RRP1B: variants seen among roughly 807,000 people sequenced by gnomAD.
The protein encoded by RRP1B is ribosomal RNA processing protein 1 homolog B.
Under a neutral mutation model 80.2 loss-of-function variants are expected in RRP1B, and 56 were observed. The observed-to-expected ratio is 0.70, with a 90% confidence interval of 0.56 to 0.87. The LOEUF (loss-of-function observed/expected upper bound fraction) is 0.87, where lower values mean the gene tolerates loss of function less well. Ranked by LOEUF, RRP1B falls within the 40% of genes least tolerant of loss-of-function variation. The pLI, the probability that RRP1B is intolerant of heterozygous loss-of-function variation, is 0.00. For synonymous variants in RRP1B, 351 were observed against 357.6 expected, an observed-to-expected ratio of 0.98 and a Z score of 0.21; for missense variants, 807 against 939.8, an observed-to-expected ratio of 0.86 and a Z score of 1.85.
chr21:43,666,581 G>A (rs569553184), intron 1 of RRP1B, among the ~76,000 whole-genome samples: 8 of 152,210 alleles, frequency 5.3e-5, no homozygotes, highest in South Asian at 2.1e-4. Context: ...AGCTGGGTGC[G>A]GTGGCAGGTG....
rs746294277 is a variant in RRP1B at position 43,676,295 on chromosome 21, G to A, written c.573G>A (p.Lys191=). The A allele has an allele frequency of 5.2e-5, 84 of 1,612,904 alleles. No homozygotes were observed. The highest frequency in any genetic ancestry group is 6.8e-5 in the Non-Finnish European group (80 of 1,179,318). ...GKELLADQNL[K]FIDPFCKIAA... is the part of the protein sequence containing the mutation. ...AGCTTTTAGCAGATCAGAATCTCAA[G>A]TTTATCGATCCATTCTGCAAAATTG... The change falls in exon 7 of 16, where the codon AAG becomes AAA. Residue 191 remains lysine, a synonymous_variant. Coordinates refer to ENST00000340648, the MANE Select transcript of RRP1B (RefSeq NM_015056.3).
chr21:43,676,375 A>G (rs530104967), intron 7 of RRP1B, 39 bp downstream of exon 7: 35 of 1,514,216 alleles, frequency 2.3e-5, no homozygotes, highest in Middle Eastern at 3.4e-4. Context: ...GCTCCGTGGC[A>G]TTTGCTCATG....
intron 5 of RRP1B, 38 bp downstream of exon 5, chr21:43,674,735 A>G: frequency 6.4e-7 from 1 of 1,551,420 alleles, no homozygotes; most frequent in Non-Finnish European, 8.8e-7. Flanking sequence ...GGTAGCCTTA[A>G]AACTTAAAAG....
At chr21:43,685,436 C>A (rs1057405995) in intron 10 of RRP1B, among the ~76,000 whole-genome samples, 11 of 152,196 alleles carry the variant, frequency 7.2e-5, no homozygotes, top group African/African-American at 2.7e-4. Context: ...TGAGAGAGAT[C>A]TAAGCTATTT....
chr21:43,689,554 G>A (rs570617100), intron 13 of RRP1B, among the ~76,000 whole-genome samples: 81 of 152,280 alleles, frequency 5.3e-4, no homozygotes, highest in African/African-American at 1.8e-3. Context: ...TACCCTCAGC[G>A]CTGCTCCCTC....
In RRP1B at chr21:43,691,298, T is replaced by C; in HGVS notation, c.2020-141T>C. 1.4e-6 allele frequency: 1 copy of C among 696,160 alleles called. No individual in the cohort carries two copies. The highest frequency in any genetic ancestry group is 1.8e-5 in the South Asian group (1 of 56,924). The allele number at this position is 696,160 out of a possible 1,614,324, so 43.1% of individuals were successfully genotyped here. A position where few individuals can be genotyped will look rare whatever the true frequency, so the allele number is the denominator to read the frequency against. Reference sequence around the variant, plus strand: ...GTTTCAGTCTTGGCCGCAGTCCCTTTGGCCTCTCCCTATATGTGCCACTCA... The same window carrying C: ...GTTTCAGTCTTGGCCGCAGTCCCTTCGGCCTCTCCCTATATGTGCCACTCA... On this transcript the variant is annotated intron_variant, in intron 14 of 15. Transcript: ENST00000340648. This position sits in a 1 kb window ranked among gnomAD's most constrained non-coding sequence, Gnocchi z 4.2.
At position 43,675,112 on chromosome 21, in the gene RRP1B, C is replaced by T; in HGVS notation, c.498C>T (p.Phe166=). 1 of 1,613,198 alleles carries T rather than the reference C, an allele frequency of 6.2e-7. No individual in the cohort carries two copies. The highest frequency in any genetic ancestry group is 8.5e-7 in the Non-Finnish European group (1 of 1,179,214). The part of the protein sequence containing the change: ...PESQSPNGVR[F]HFIDIYLDEL... Reference sequence around the variant, plus strand: ...GTCAGTCTCCTAATGGAGTGAGATTCCACTTCATTGATATTTACCTGGATG... The same window carrying T: ...GTCAGTCTCCTAATGGAGTGAGATTTCACTTCATTGATATTTACCTGGATG... The change falls in exon 6 of 16, where the codon TTC becomes TTT. Residue 166 remains phenylalanine (F), a synonymous_variant. Transcript: ENST00000340648.
intron 2 of RRP1B, among the ~76,000 whole-genome samples, chr21:43,671,489 AC>A (rs1431377136): frequency 6.7e-6 from 1 of 148,806 alleles, no homozygotes; most frequent in African/African-American, 2.5e-5. Context: ...TGCCTCAGCC[AC>A]CCGAGTAGCT....
In RRP1B at chr21:43,675,142, C is replaced by A. The variant is rs763615663; in HGVS notation, c.528C>A (p.Leu176=). The A allele has an allele frequency of 1.9e-6, 3 of 1,614,040 alleles. No homozygotes were observed. Among genetic ancestry groups the A allele is most frequent in the Non-Finnish European group, 2.5e-6 (3 of 1,179,996 alleles). Residue 176 remains leucine (L), a synonymous_variant, in exon 6 of 16, where the codon CTC becomes CTA. Transcript: ENST00000340648. ...FHFIDIYLDE[L]SKVGGKELLA... The stretch of plus-strand genomic sequence containing the variant: ...TCATTGATATTTACCTGGATGAACT[C>A]TCCAAAGTCGGGGGGAAGGAGGTAA...
At chr21:43,676,991 G>A in intron 8 of RRP1B, 77 bp downstream of exon 8, 1 of 1,440,798 alleles carries the variant, frequency 6.9e-7, no homozygotes, top group Non-Finnish European at 9.5e-7. Context: ...TAATACATTT[G>A]TTGGCATCTT....
chr21:43,678,880 C>T (rs1291662529), intron 8 of RRP1B, among the ~76,000 whole-genome samples: 1 of 152,138 alleles, frequency 6.6e-6, no homozygotes, highest in Non-Finnish European at 1.5e-5. Flanking sequence ...CTATCTTCTA[C>T]AATTTGTATG....
intron 1 of RRP1B, among the ~76,000 whole-genome samples, chr21:43,667,650 A>G (rs1246286909): frequency 6.6e-6 from 1 of 152,158 alleles, no homozygotes; most frequent in Admixed American, 6.6e-5. Context: ...ACATGATTAA[A>G]TATAAGTGCA....
At chr21:43,673,832 G>A (rs977600185) in intron 3 of RRP1B, 38 bp from the exon 4 acceptor site, 32 of 1,402,302 alleles carry the variant, frequency 2.3e-5, no homozygotes, top group Non-Finnish European at 3.2e-5. Context: ...GTATGTTGAT[G>A]TGGAAGCCAA....
At chr21:43,687,195 T>TGG (rs1308724296) in intron 12 of RRP1B, among the ~76,000 whole-genome samples, 1 of 152,140 alleles carries the variant, frequency 6.6e-6, no homozygotes, top group African/African-American at 2.4e-5. Flanking sequence ...CAGGGAGCAC[T>TGG]GGGGGGCGGC....
intron 1 of RRP1B, among the ~76,000 whole-genome samples, chr21:43,666,644 G>A (rs948581340): frequency 1.2e-4 from 18 of 152,124 alleles, no homozygotes; most frequent in Non-Finnish European, 2.2e-4. Context: ...CTTGAACCTG[G>A]GCAGCAGAGG....
Position 43,694,661 on chromosome 21 carries a change from T to C in RRP1B, c.*1278T>C, listed in dbSNP as rs2083100505. The C allele has an allele frequency of 6.6e-6, 1 of 152,292 alleles. No individual in the cohort carries two copies. Among genetic ancestry groups the C allele is most frequent in the Admixed American group, 6.5e-5 (1 of 15,280 alleles). The allele number at this position is 152,292 out of a possible 1,614,324, so 9.4% of individuals were successfully genotyped here. On this transcript the variant is annotated 3_prime_UTR_variant, in exon 16 of 16. Coordinates refer to ENST00000340648, the MANE Select transcript of RRP1B (RefSeq NM_015056.3). ...GCCACGCTCTGCTCAGGCCTGGAAGTGAAAGCCGCCTCCTTCCCGTTATGC... is the reference window on the plus strand; with the variant it reads ...GCCACGCTCTGCTCAGGCCTGGAAGCGAAAGCCGCCTCCTTCCCGTTATGC...
intron 2 of RRP1B, among the ~76,000 whole-genome samples, chr21:43,671,803 A>G (rs2083000524): frequency 6.6e-6 from 1 of 152,102 alleles, no homozygotes. Flanking sequence ...ATTCTGTCTC[A>G]GCCTCTCGAG....
intron 10 of RRP1B, 136 bp from the exon 11 acceptor site, chr21:43,685,634 G>A: frequency 3.4e-6 from 2 of 596,334 alleles, no homozygotes; most frequent in Admixed American, 8.1e-5. Context: ...TCCTGGAGGA[G>A]AACGTGAATT....
intron 8 of RRP1B, among the ~76,000 whole-genome samples, chr21:43,681,619 G>A (rs948513865): frequency 9.2e-5 from 14 of 152,174 alleles, no homozygotes; most frequent in African/African-American, 3.1e-4. Flanking sequence ...ACAGACAGGC[G>A]TGAGCCACCA....
Sources: gnomAD v4.1 joint callset for allele counts (sites outside exome capture counted in the v4.1 genomes callset) on GRCh38, gnomAD v4.1.1 for gene constraint, Gnocchi (gnomAD v3.1) non-coding constraint, MANE v1.5 for transcripts, NCBI Gene and HGNC (gene_info 2026-07-23, HGNC 2026-07-21) for gene names.